The following USP40 variants were observed in gnomAD, a reference collection of about 807,000 sequenced individuals.
The protein encoded by USP40 is ubiquitin carboxyl-terminal hydrolase 40.
A neutral mutation model predicts 166.2 loss-of-function variants in USP40; 143 were observed. The ratio of observed to expected loss-of-function variants is 0.86; its 90% CI spans 0.75 to 0.99. The LOEUF (loss-of-function observed/expected upper bound fraction) is 0.99, where lower values mean the gene tolerates loss of function less well. Ranked by LOEUF, USP40 falls within the 50% of genes least tolerant of loss-of-function variation. The pLI, the probability that USP40 is intolerant of heterozygous loss-of-function variation, is 0.00. For missense variants in USP40, 1,444 were observed against 1,479.7 expected (o/e 0.98, Z 0.40); for synonymous variants, 498 against 524.0 (o/e 0.95, Z 0.68).
chr2:233,501,170 ACAATC>A (rs1157710422), intron 21 of USP40, among the ~76,000 whole-genome samples: 1 of 152,230 alleles, frequency 6.6e-6, no homozygotes, highest in Non-Finnish European at 1.5e-5. Flanking sequence ...TTTAAGAAAA[ACAATC>A]AAACAATTGA....
Position 233,477,103 on chromosome 2 carries a change from A to G in USP40, c.*289T>C, listed in dbSNP as rs2064217004. 3 of 426,142 alleles carry G rather than the reference A, an allele frequency of 7.0e-6. No individual in the cohort carries two copies. The Admixed American group carries it at 1.1e-4, about 15-fold the overall frequency. The allele number at this position is 426,142 out of a possible 1,614,324, so 26.4% of individuals were successfully genotyped here. On this transcript the variant is annotated 3_prime_UTR_variant, in exon 32 of 32. Transcript: ENST00000678225. ...GCACACGTTGTGCATTTTCTGGTTA[A>G]AAGAAAAAAAAAGGCAGCTGGGGCC...
At chr2:233,487,962 G>T (rs1318195041) in intron 28 of USP40, 7 of 630,128 alleles carry the variant, frequency 1.1e-5, no homozygotes, top group Non-Finnish European at 2.1e-5. Context: ...GCTGCGGGTG[G>T]GCCTCTTGCT....
intron 27 of USP40, among the ~76,000 whole-genome samples, chr2:233,488,797 A>G (rs2065116445): frequency 6.6e-6 from 1 of 152,062 alleles, no homozygotes. Context: ...TCCCAGCTAC[A>G]CAGGAGGCTG....
At chr2:233,516,493 C>G (rs890163579) in intron 18 of USP40, among the ~76,000 whole-genome samples, 2 of 152,018 alleles carry the variant, frequency 1.3e-5, no homozygotes, top group Non-Finnish European at 2.9e-5. Context: ...GTCAGCAGAT[C>G]AAGACCATCC....
At chr2:233,481,435 A>T (rs575344669) in intron 30 of USP40, 138 bp from the exon 31 acceptor site, 92 of 743,964 alleles carry the variant, frequency 1.2e-4, no homozygotes, top group South Asian at 4.9e-4. Flanking sequence ...ATAACTGATT[A>T]AAAAAAATCC....
chr2:233,520,943 C>G, intron 17 of USP40, 48 bp downstream of exon 17: 1 of 1,575,228 alleles, frequency 6.3e-7, no homozygotes, highest in Non-Finnish European at 8.6e-7. Flanking sequence ...AAATAAAATT[C>G]TGTTAACTGA....
At chr2:233,478,300 A>G (rs919251161) in intron 31 of USP40, among the ~76,000 whole-genome samples, 3 of 151,968 alleles carry the variant, frequency 2.0e-5, no homozygotes, top group East Asian at 3.9e-4. Flanking sequence ...ACCCACACAC[A>G]GGGGATGAGA....
At chr2:233,536,531 A>G (rs2068947153) in intron 10 of USP40, among the ~76,000 whole-genome samples, 1 of 152,232 alleles carries the variant, frequency 6.6e-6, no homozygotes, top group African/African-American at 2.4e-5. Context: ...CATGCCAGTA[A>G]TCTCAGCTAC....
intron 12 of USP40, among the ~76,000 whole-genome samples, chr2:233,528,057 C>T (rs1038530201): frequency 2.0e-5 from 3 of 151,204 alleles, no homozygotes; most frequent in Non-Finnish European, 4.4e-5. Flanking sequence ...TGGCTCACTA[C>T]AACCTCTACC....
At chr2:233,531,307 T>A (rs917334859) in intron 11 of USP40, among the ~76,000 whole-genome samples, 10 of 152,216 alleles carry the variant, frequency 6.6e-5, no homozygotes, top group African/African-American at 2.4e-4. Flanking sequence ...AAATTCTCCC[T>A]CAGTCTTCTC....
At chr2:233,554,251 A>C in intron 6 of USP40, 129 bp downstream of exon 6, 1 of 975,588 alleles carries the variant, frequency 1.0e-6, no homozygotes. Flanking sequence ...AATACAGAAA[A>C]TGATGTAAAT....
chr2:233,496,220 C>T (rs1326439527), intron 24 of USP40, among the ~76,000 whole-genome samples: 2 of 152,156 alleles, frequency 1.3e-5, no homozygotes, highest in African/African-American at 4.8e-5. Context: ...TTACGTGCAT[C>T]CTCAGTTTAA....
At chr2:233,481,150 A>G (rs1320596685) in intron 31 of USP40, 53 bp downstream of exon 31, 2 of 1,481,088 alleles carry the variant, frequency 1.4e-6, no homozygotes, top group African/African-American at 1.4e-5. Flanking sequence ...GGAATAAGAG[A>G]GAGTCAGAGA....
At chr2:233,477,825 C>T (rs1165798888) in intron 31 of USP40, among the ~76,000 whole-genome samples, 1 of 152,250 alleles carries the variant, frequency 6.6e-6, no homozygotes, top group Non-Finnish European at 1.5e-5. Flanking sequence ...GAATAACATC[C>T]GGAGTGCACA....
chr2:233,525,364 T>C, intron 14 of USP40, 114 bp downstream of exon 14: 1 of 642,260 alleles, frequency 1.6e-6, no homozygotes, highest in Non-Finnish European at 2.7e-6. Context: ...ATAATCTACT[T>C]AGTTAAGAAA....
intron 18 of USP40, among the ~76,000 whole-genome samples, chr2:233,516,195 A>G (rs868747150): frequency 2.6e-5 from 4 of 152,180 alleles, no homozygotes; most frequent in Non-Finnish European, 4.4e-5. Context: ...GCCAATATAC[A>G]CTGTCTAGAG....
chr2:233,496,808 T>C lies in USP40; in HGVS notation c.2740A>G (p.Ile914Val). 1 of 1,612,552 alleles carries C rather than the reference T, an allele frequency of 6.2e-7. No individual in the cohort carries two copies. The highest frequency in any genetic ancestry group is 1.7e-4 in the Middle Eastern group (1 of 6,044). ...EEDATLKELL[I>V]CSGDTLLLIE... is the part of the protein sequence containing the mutation. ...AAAAGCAAAGTATCTCCAGAACATA[T>C]CAGAAGTTCTTTCAGTGTTGCATCC... The change falls in exon 24 of 32, where the codon ATA (isoleucine) becomes GTA (valine). Residue 914 changes from isoleucine (I) to valine (V), a missense_variant. Transcript: ENST00000678225.
At chr2:233,479,025 C>T (rs1008872052) in intron 31 of USP40, among the ~76,000 whole-genome samples, 2 of 152,200 alleles carry the variant, frequency 1.3e-5, no homozygotes, top group Admixed American at 6.5e-5. Flanking sequence ...GGTTACATCA[C>T]GGTGTTCAGA....
chr2:233,505,187 A>G (rs2066334206), intron 21 of USP40, among the ~76,000 whole-genome samples: 1 of 152,122 alleles, frequency 6.6e-6, no homozygotes, highest in African/African-American at 2.4e-5. Flanking sequence ...GGGATACAGC[A>G]AAAACAGTTC....
Sources: allele counts gnomAD v4.1 joint callset (sites outside exome capture counted in the v4.1 genomes callset), GRCh38; gene constraint gnomAD v4.1.1; transcripts MANE v1.5; gene names NCBI Gene and HGNC (gene_info 2026-07-23, HGNC 2026-07-21).